The following RAPH1 variants were observed in gnomAD, a reference collection of about 807,000 sequenced individuals.
RAPH1 encodes the protein ras-associated and pleckstrin homology domains-containing protein 1.
RAPH1 carries 18 observed loss-of-function variants against 88.1 expected under a neutral mutation model. The observed-to-expected ratio is 0.20, with a 90% CI of 0.14 to 0.30. RAPH1 has a LOEUF of 0.30. Ranked by LOEUF, RAPH1 falls within the 10% of genes least tolerant of loss-of-function variation. RAPH1 has a pLI of 1.00. For missense variants in RAPH1, 1,448 were observed against 1,543.2 expected, an observed-to-expected ratio of 0.94 and a Z score of 1.03; for synonymous variants, 587 against 559.0, an observed-to-expected ratio of 1.05 and a Z score of -0.71.
intron 1 of RAPH1, among the ~76,000 whole-genome samples, chr2:203,518,236 C>T (rs2105953125): frequency 6.6e-6 from 1 of 152,256 alleles, no homozygotes; most frequent in East Asian, 1.9e-4. Flanking sequence ...TACTATAAGG[C>T]TGGGCACAGT....
chr2:203,517,359 C>CAA (rs71408943), intron 1 of RAPH1, among the ~76,000 whole-genome samples: 565 of 32,076 alleles, frequency 0.018, 47 homozygotes, highest in African/African-American at 0.055. Flanking sequence ...CTATGAGAGG[C>CAA]AAAAAAAAAA....
intron 4 of RAPH1, among the ~76,000 whole-genome samples, chr2:203,482,598 A>G (rs1258215586): frequency 6.6e-6 from 1 of 152,244 alleles, no homozygotes; most frequent in Middle Eastern, 3.2e-3. Context: ...TAATAGCTTT[A>G]CAAAGTATTT....
At chr2:203,460,439 C>T (rs1187956556) in intron 6 of RAPH1, among the ~76,000 whole-genome samples, 1 of 152,066 alleles carries the variant, frequency 6.6e-6, no homozygotes, top group Non-Finnish European at 1.5e-5. Flanking sequence ...GTTGTTTAAT[C>T]TTAAACATAT....
chr2:203,505,929 G>T (rs1191650819), intron 1 of RAPH1, among the ~76,000 whole-genome samples: 1 of 152,192 alleles, frequency 6.6e-6, no homozygotes, highest in Non-Finnish European at 1.5e-5. Flanking sequence ...TATTTTTGCA[G>T]ACAGCTGATG....
intron 3 of RAPH1, 28 bp from the exon 4 acceptor site, chr2:203,490,117 A>G (rs1331696215): frequency 6.5e-7 from 1 of 1,546,402 alleles, no homozygotes; most frequent in East Asian, 2.3e-5. Flanking sequence ...TAATGTTTCC[A>G]GAATTTATAC....
At chr2:203,483,043 G>C (rs1446560398) in intron 4 of RAPH1, among the ~76,000 whole-genome samples, 2 of 152,118 alleles carry the variant, frequency 1.3e-5, no homozygotes, top group South Asian at 2.1e-4. Context: ...GAACAAGTAT[G>C]GGACAGTATG....
In RAPH1 at chr2:203,440,067, G is replaced by A; in HGVS notation, c.3123C>T (p.Leu1041=). 6.2e-7 allele frequency: 1 copy of A among 1,613,600 alleles called. No individual in the cohort carries two copies. The highest frequency in any genetic ancestry group is 8.5e-7 in the Non-Finnish European group (1 of 1,179,994). ...NLSGVNLPGV[L]QQGCVSAKAP... The stretch of plus-strand genomic sequence containing the variant: ...CTTTTGCTGACACACACCCTTGTTG[G>A]AGAACTCCAGGAAGGTTGACTCCAG... Residue 1041 remains leucine (L), a synonymous_variant, in exon 14 of 14, where the codon CTC becomes CTT. Transcript: ENST00000319170.
chr2:203,440,415 C>A lies in RAPH1; in HGVS notation c.2775G>T (p.Leu925=). The A allele has an allele frequency of 6.4e-7, 1 of 1,555,570 alleles. No individual in the cohort carries two copies. ...DFPPPPPESS[L]VFPPPPPSPV... ...GTGATGGGGGTGGAGGAGGAAACAC[C>A]AGGCTGCTTTCAGGAGGGGGAGGAG... Residue 925 remains leucine, a synonymous_variant, in exon 14 of 14, where the codon CTG becomes CTT. Coordinates refer to ENST00000319170, the MANE Select transcript of RAPH1 (RefSeq NM_213589.3).
At chr2:203,450,853 C>T (rs2098514230) in intron 10 of RAPH1, among the ~76,000 whole-genome samples, 1 of 151,834 alleles carries the variant, frequency 6.6e-6, no homozygotes, top group Non-Finnish European at 1.5e-5. Flanking sequence ...TAGCAGAAGC[C>T]CAAGTGTGCA....
intron 1 of RAPH1, among the ~76,000 whole-genome samples, chr2:203,516,519 C>T (rs1414194142): frequency 7.2e-5 from 11 of 152,184 alleles, no homozygotes; most frequent in Admixed American, 1.3e-4. Context: ...GAGGCCAAGG[C>T]GGGCAGATCA....
intron 4 of RAPH1, among the ~76,000 whole-genome samples, chr2:203,488,608 A>C (rs908798282): frequency 2.7e-5 from 4 of 148,176 alleles, no homozygotes; most frequent in African/African-American, 7.5e-5. Context: ...AAAAAAAAAA[A>C]AAAAAAAAAA....
intron 4 of RAPH1, among the ~76,000 whole-genome samples, 195 bp from the exon 5 acceptor site, chr2:203,462,120 A>C (rs1368386929): frequency 2.0e-5 from 3 of 152,262 alleles, no homozygotes; most frequent in Admixed American, 2.0e-4. Context: ...AGACTTGAAG[A>C]TGTCTTACAA....
At chr2:203,467,161 C>T (rs1401990721) in intron 4 of RAPH1, among the ~76,000 whole-genome samples, 1 of 152,162 alleles carries the variant, frequency 6.6e-6, no homozygotes, top group Non-Finnish European at 1.5e-5. Flanking sequence ...TATAGCTGAT[C>T]CTTGAACCTG....
intron 1 of RAPH1, among the ~76,000 whole-genome samples, chr2:203,525,337 C>T (rs939626496): frequency 3.9e-5 from 6 of 152,074 alleles, no homozygotes; most frequent in African/African-American, 1.4e-4. Flanking sequence ...AGGCGCCCAC[C>T]ACCATGCCAA....
chr2:203,495,437 T>C (rs1244901887), intron 1 of RAPH1, 84 bp from the exon 2 acceptor site: 1 of 1,319,224 alleles, frequency 7.6e-7, no homozygotes, highest in African/African-American at 1.5e-5. Context: ...CTGATATATA[T>C]TATATGCCTC....
chr2:203,460,088 T>A, intron 6 of RAPH1, 60 bp from the exon 7 acceptor site: 1 of 1,448,968 alleles, frequency 6.9e-7, no homozygotes, highest in Non-Finnish European at 9.4e-7. Context: ...ATGAAAGACA[T>A]GAAACTTTGT....
intron 4 of RAPH1, among the ~76,000 whole-genome samples, chr2:203,486,798 A>G (rs1472784139): frequency 5.9e-5 from 9 of 152,258 alleles, no homozygotes; most frequent in African/African-American, 2.2e-4. Context: ...GACCTAGGAA[A>G]AAAGCAAATG....
At chr2:203,527,287 C>T (rs971155443) in intron 1 of RAPH1, among the ~76,000 whole-genome samples, 3 of 152,030 alleles carry the variant, frequency 2.0e-5, no homozygotes, top group Admixed American at 6.6e-5. Flanking sequence ...GCGTCTTCAC[C>T]GTGGCCACCT....
chr2:203,500,425 G>A (rs1688691076), intron 1 of RAPH1, among the ~76,000 whole-genome samples: 1 of 152,116 alleles, frequency 6.6e-6, no homozygotes, highest in African/African-American at 2.4e-5. Flanking sequence ...TGGAAAATGA[G>A]GCTAGAGAGG....
Sources: gnomAD v4.1 joint callset for allele counts (sites outside exome capture counted in the v4.1 genomes callset) on GRCh38, gnomAD v4.1.1 for gene constraint, MANE v1.5 for transcripts, NCBI Gene and HGNC (gene_info 2026-07-23, HGNC 2026-07-21) for gene names.